NFIA: variants seen among roughly 807,000 people sequenced by gnomAD.
NFIA encodes the protein nuclear factor 1 A-type.
Under a neutral mutation model 62.8 loss-of-function variants are expected in NFIA, and 8 were observed. That is an observed-to-expected ratio of 0.13 (90% CI 0.07 to 0.23). The LOEUF is 0.23. Ranked by LOEUF, NFIA falls within the 10% of genes least tolerant of loss-of-function variation. NFIA has a pLI of 1.00. For missense variants in NFIA, 410 were observed against 642.1 expected (o/e 0.64, Z 3.91); for synonymous variants, 235 against 238.1 (o/e 0.99, Z 0.12).
intron 3 of NFIA, among the ~76,000 whole-genome samples, chr1:61,280,495 C>T (rs2100283316): frequency 6.6e-6 from 1 of 152,122 alleles, no homozygotes; most frequent in Admixed American, 6.5e-5. Context: ...AAATAATATT[C>T]TTTTTATCCT....
intron 2 of NFIA, among the ~76,000 whole-genome samples, chr1:61,160,843 A>G (rs545261268): frequency 7.2e-5 from 11 of 152,322 alleles, no homozygotes; most frequent in Admixed American, 5.9e-4. Context: ...CTTTTCAATA[A>G]CTTTCTAAAG....
chr1:61,298,634 A>G (rs570221211), intron 3 of NFIA, among the ~76,000 whole-genome samples: 1 of 152,244 alleles, frequency 6.6e-6, no homozygotes, highest in South Asian at 2.1e-4. Flanking sequence ...TTTTGGATAA[A>G]TAACTGTTTC....
intron 3 of NFIA, 71 bp downstream of exon 3, chr1:61,277,656 G>C: frequency 6.7e-7 from 1 of 1,497,548 alleles, no homozygotes; most frequent in South Asian, 1.1e-5. Flanking sequence ...CTAAGTGTGA[G>C]GATTTGGGGG....
At chr1:61,409,436 T>A (rs1665997792) in intron 9 of NFIA, among the ~76,000 whole-genome samples, 1 of 152,174 alleles carries the variant, frequency 6.6e-6, no homozygotes, top group South Asian at 2.1e-4. Flanking sequence ...GGGAGAGCTG[T>A]AATTTATAGC....
At chr1:61,159,097 G>C (rs1649001454) in intron 2 of NFIA, among the ~76,000 whole-genome samples, 1 of 151,812 alleles carries the variant, frequency 6.6e-6, no homozygotes, top group African/African-American at 2.4e-5. Flanking sequence ...CATTTCATAG[G>C]GGTCTATACA....
rs71050120 is a variant in NFIA at position 61,333,047 on chromosome 1, G to GCACACACACACACA, written c.700+468_700+481dup. On this transcript the variant is annotated intron_variant, in intron 4 of 10. Transcript: ENST00000403491. ...TGTTATGACATAATCTAGCATGCACGCACACACACACACACACACATACAC... is the reference window on the plus strand; with the variant it reads ...TGTTATGACATAATCTAGCATGCACGCACACACACACACACACACACACACACACACACATACAC... Among the ~76,000 whole-genome samples, 10 of 144,790 alleles carry GCACACACACACACA rather than the reference G, an allele frequency of 6.9e-5. No homozygotes were observed. The South Asian group carries it at 9.0e-4, about 13-fold the overall frequency. The allele number at this position is 144,790 out of a possible 152,430, so 95.0% of individuals were successfully genotyped here. A position where few individuals can be genotyped will look rare whatever the true frequency, so the allele number is the denominator to read the frequency against.
At chr1:61,190,464 A>G (rs1294574048) in intron 2 of NFIA, among the ~76,000 whole-genome samples, 1 of 152,242 alleles carries the variant, frequency 6.6e-6, no homozygotes. Context: ...AAAGTTCCAA[A>G]TGTGTGGCTT....
At chr1:61,081,129 G>A (rs930135767), upstream of NFIA, among the ~76,000 whole-genome samples, 1 of 152,076 alleles carries the variant, frequency 6.6e-6, no homozygotes, top group Non-Finnish European at 1.5e-5. Context: ...TTTGAGAAGG[G>A]TTGTCAAATG....
In NFIA at chr1:61,352,519, T is replaced by A; in HGVS notation, c.770T>A (p.Met257Lys). The A allele has an allele frequency of 6.2e-7, 1 of 1,614,078 alleles. No homozygotes were observed. ...SDLESSSYYSMSPGAMRRSLP... is the reference protein window; with the variant it reads ...SDLESSSYYSKSPGAMRRSLP... ...TTGGAAAGTTCTTCATACTACAGCA[T>A]GAGTCCAGGAGCAATGAGGAGGTCT... The change falls in exon 5 of 11, where the codon ATG becomes AAG. Residue 257 changes from methionine to lysine, a missense_variant. This residue lies in a region of NFIA where 298 missense variants were observed against 438.1 expected (regional missense o/e 0.68). Coordinates refer to ENST00000403491, the MANE Select transcript of NFIA (RefSeq NM_001134673.4).
intron 2 of NFIA, among the ~76,000 whole-genome samples, chr1:61,235,516 T>TAAATATAAAAAATAA (rs1654952032): frequency 7.0e-6 from 1 of 142,604 alleles, no homozygotes; most frequent in Non-Finnish European, 1.5e-5. Flanking sequence ...AAATAAAAAA[T>TAAATATAAAAAATAA]AAAAAAAAAT....
intron 3 of NFIA, among the ~76,000 whole-genome samples, chr1:61,305,125 A>G: frequency 6.6e-6 from 1 of 152,184 alleles, no homozygotes; most frequent in East Asian, 1.9e-4. Flanking sequence ...TGCGGTGGGC[A>G]TGGGAGTGTG....
At chr1:61,228,238 A>C (rs187361564) in intron 2 of NFIA, among the ~76,000 whole-genome samples, 4 of 152,268 alleles carry the variant, frequency 2.6e-5, no homozygotes, top group Non-Finnish European at 5.9e-5. Context: ...TTGAGAGTCC[A>C]TTTTTCATCC....
intron 3 of NFIA, among the ~76,000 whole-genome samples, chr1:61,331,579 A>G (rs1439142353): frequency 1.3e-5 from 2 of 152,298 alleles, no homozygotes; most frequent in Non-Finnish European, 2.9e-5. Flanking sequence ...CCTTCGGCCA[A>G]CAATTTTTTG....
intron 6 of NFIA, among the ~76,000 whole-genome samples, chr1:61,376,728 A>T (rs576231739): frequency 7.2e-5 from 11 of 152,240 alleles, no homozygotes; most frequent in African/African-American, 2.6e-4. Context: ...CACTGTTTTT[A>T]TAGTATACTA....
At chr1:61,191,388 T>G (rs993172525) in intron 2 of NFIA, among the ~76,000 whole-genome samples, 31 of 152,172 alleles carry the variant, frequency 2.0e-4, no homozygotes, top group African/African-American at 7.5e-4. Flanking sequence ...GGATAAATGC[T>G]AAACGGGATT....
intron 2 of NFIA, among the ~76,000 whole-genome samples, chr1:61,138,873 T>C (rs12070080): frequency 0.94 from 142,729 of 151,838 alleles, 67,184 homozygotes; most frequent in Middle Eastern, 0.97. Context: ...TGAGCCACCG[T>C]GCCTGGCTAG....
intron 2 of NFIA, among the ~76,000 whole-genome samples, chr1:61,236,380 G>A (rs903455570): frequency 2.0e-5 from 3 of 152,090 alleles, no homozygotes; most frequent in African/African-American, 7.2e-5. Context: ...AATAACAGAC[G>A]GCAGTGTTTG....
At chr1:61,279,475 AT>A (rs1280933130) in intron 3 of NFIA, among the ~76,000 whole-genome samples, 2 of 150,212 alleles carry the variant, frequency 1.3e-5, no homozygotes, top group South Asian at 4.2e-4. Flanking sequence ...TTTTGTTGAC[AT>A]TTTAAAGAGT....
intron 2 of NFIA, among the ~76,000 whole-genome samples, chr1:61,241,904 G>A (rs1397425488): frequency 6.6e-6 from 1 of 152,028 alleles, no homozygotes; most frequent in Non-Finnish European, 1.5e-5. Flanking sequence ...TAATTCTTTA[G>A]AAAGGGGAAA....
Sources: allele counts gnomAD v4.1 joint callset (sites outside exome capture counted in the v4.1 genomes callset), GRCh38; gene constraint gnomAD v4.1.1; regional missense constraint gnomAD v4.1.1; transcripts MANE v1.5; gene names NCBI Gene and HGNC (gene_info 2026-07-23, HGNC 2026-07-21).